Variants in GEMIN8 observed in about 807,000 individuals in gnomAD.
GEMIN8 encodes the protein gem-associated protein 8.
For missense variants in GEMIN8, 185 were observed against 205.9 expected (o/e 0.90, Z 0.62); for synonymous variants, 80 against 78.5 (o/e 1.02, Z -0.10).
chrX:14,011,704 C>T (rs1428913220), intron 4 of GEMIN8, among the ~76,000 whole-genome samples: 1 of 109,951 alleles, frequency 9.1e-6, no homozygotes, highest in Non-Finnish European at 1.9e-5. Context: ...GATCTGGTGA[C>T]ACAAGACATG....
At chrX:14,028,619 T>A (rs867045181) in intron 1 of GEMIN8, among the ~76,000 whole-genome samples, 1 of 108,176 alleles carries the variant, frequency 9.2e-6, no homozygotes, top group African/African-American at 3.4e-5. Context: ...CCCTATCCTT[T>A]AAAAAAAAAC....
chrX:14,025,921 T>G (rs1924664783), intron 2 of GEMIN8: 1 of 211,937 alleles, frequency 4.7e-6, no homozygotes, highest in Non-Finnish European at 6.9e-6. Context: ...ATAGGTCCGA[T>G]TAGCTTTTTT....
At chrX:13,985,640 T>C in the GEMIN8 span, among the ~76,000 whole-genome samples, 1 of 111,945 alleles carries the variant, frequency 8.9e-6, no homozygotes, top group South Asian at 3.8e-4. Context: ...GTACAGAGTA[T>C]TGAATGTTGT....
chrX:13,994,252 A>G, the GEMIN8 span, among the ~76,000 whole-genome samples: 5 of 111,547 alleles, frequency 4.5e-5, no homozygotes, highest in Non-Finnish European at 9.4e-5. Context: ...TTTCCAACAC[A>G]CAGCCGTATT....
At chrX:13,992,409 G>T in the GEMIN8 span, among the ~76,000 whole-genome samples, 1 of 111,460 alleles carries the variant, frequency 9.0e-6, no homozygotes, top group Non-Finnish European at 1.9e-5. Context: ...GATTTACATG[G>T]ATACCCAGCA....
At chrX:13,996,889 G>A in the GEMIN8 span, among the ~76,000 whole-genome samples, 3,767 of 107,423 alleles carry the variant, frequency 0.035, 90 homozygotes, top group African/African-American at 0.088. Context: ...CAGAAAATAT[G>A]AAGAAAGCAG....
At chrX:14,014,256 G>T (rs73197752) in intron 4 of GEMIN8, 4 of 750,619 alleles carry the variant, frequency 5.3e-6, no homozygotes, top group African/African-American at 2.3e-5. Context: ...TAGCACAACC[G>T]AGGGAAAGCA....
At chrX:14,020,725 A>G in intron 3 of GEMIN8, 191 bp from the exon 4 acceptor site, 1 of 424,880 alleles carries the variant, frequency 2.4e-6, no homozygotes. Context: ...CACCAAGTGT[A>G]TGCACACTTG....
intron 4 of GEMIN8, among the ~76,000 whole-genome samples, chrX:14,010,596 G>A (rs755186426): frequency 4.4e-5 from 5 of 112,504 alleles, no homozygotes; most frequent in Admixed American, 1.9e-4. Context: ...ATAGTCGCTC[G>A]CATAAATCCT....
At chrX:14,024,870 G>C (rs766276405) in intron 2 of GEMIN8, among the ~76,000 whole-genome samples, 3 of 111,962 alleles carry the variant, frequency 2.7e-5, no homozygotes, top group African/African-American at 9.7e-5. Context: ...ATTTTGCTTT[G>C]CTTTGATTAT....
At chrX:14,016,060 C>T (rs1474116742) in intron 4 of GEMIN8, among the ~76,000 whole-genome samples, 1 of 111,753 alleles carries the variant, frequency 8.9e-6, no homozygotes, top group Non-Finnish European at 1.9e-5. Context: ...ATCTATTGCC[C>T]ATTATTTTCT....
chrX:14,014,219 C>G, intron 4 of GEMIN8: 1 of 751,563 alleles, frequency 1.3e-6, no homozygotes, highest in Non-Finnish European at 1.6e-6. Context: ...ATTATATTTT[C>G]TGCTATTTTG....
chrX:14,002,540 T>C (rs1923013274), downstream of GEMIN8, among the ~76,000 whole-genome samples: 1 of 111,195 alleles, frequency 9.0e-6, no homozygotes, highest in Non-Finnish European at 1.9e-5. Flanking sequence ...CAGGCTGGAG[T>C]GCAATGGTGC....
In GEMIN8 at chrX:14,020,432, T is replaced by C. The variant is rs1388578927; in HGVS notation, c.118A>G (p.Asn40Asp). The C allele has an allele frequency of 2.5e-6, 3 of 1,200,465 alleles. No homozygotes were observed. The highest frequency in any genetic ancestry group is 3.5e-5 in the African/African-American group (2 of 56,905). The change falls in exon 4 of 5, where the codon AAT becomes GAT. Residue 40 changes from asparagine (N) to aspartate (D), a missense_variant. By Grantham distance (23) the Asn-to-Asp change is conservative (BLOSUM62 1). Transcript: ENST00000680255. ...GATTCCACGGCCTTCCTGTAGGCAT[T>C]GTGATGGCTTTGCATCCAAGCCATT... is the stretch of plus-strand genomic sequence containing the variant. ...QAMAWMQSHH[N>D]AYRKAVESCF...
chrX:13,984,288 A>G, the GEMIN8 span, among the ~76,000 whole-genome samples: 1 of 112,333 alleles, frequency 8.9e-6, no homozygotes, highest in Non-Finnish European at 1.9e-5. Flanking sequence ...AAACTGTGAG[A>G]TAATAAATTT....
At chrX:14,000,480 C>T in the GEMIN8 span, among the ~76,000 whole-genome samples, 1 of 109,998 alleles carries the variant, frequency 9.1e-6, no homozygotes, top group Non-Finnish European at 1.9e-5. Flanking sequence ...GCCTGTACTC[C>T]CAGCTTCTTG....
At chrX:14,002,917 T>C (rs1487902012), downstream of GEMIN8, among the ~76,000 whole-genome samples, 11 of 111,700 alleles carry the variant, frequency 9.8e-5, no homozygotes, top group South Asian at 4.1e-3. Context: ...GTGTCCCAAA[T>C]GGAATTGATT....
chrX:13,987,357 A>G, the GEMIN8 span, among the ~76,000 whole-genome samples: 1 of 112,378 alleles, frequency 8.9e-6, no homozygotes, highest in African/African-American at 3.2e-5. Flanking sequence ...ATTTACTAGA[A>G]TCATGACTCT....
intron 4 of GEMIN8, among the ~76,000 whole-genome samples, chrX:14,015,214 C>T (rs1037200185): frequency 6.3e-5 from 7 of 111,678 alleles, no homozygotes; most frequent in African/African-American, 2.3e-4. Flanking sequence ...ACTCATTTTC[C>T]CTCTAAGTAT....
Sources: allele counts gnomAD v4.1 joint callset (sites outside exome capture counted in the v4.1 genomes callset), GRCh38; gene constraint gnomAD v4.1.1; transcripts MANE v1.5; gene names NCBI Gene and HGNC (gene_info 2026-07-23, HGNC 2026-07-21).